Variants in HEMK2 observed in about 807,000 individuals in gnomAD.
HEMK2 encodes the protein HemK methyltransferase 2, ETF1 glutamine and histone H4 lysine, also known as methyltransferase HEMK2.
At chr21:28,754,380 T>C in the HEMK2 span, among the ~76,000 whole-genome samples, 1 of 152,186 alleles carries the variant, frequency 6.6e-6, no homozygotes, top group Non-Finnish European at 1.5e-5. Context: ...TAAATGTCAG[T>C]GTGTGTACGT....
the HEMK2 span, among the ~76,000 whole-genome samples, chr21:28,614,664 G>A: frequency 1.3e-5 from 2 of 152,162 alleles, no homozygotes; most frequent in Non-Finnish European, 2.9e-5. Context: ...TTAGATTACA[G>A]TGACATTTTG....
At chr21:28,670,415 C>T in the HEMK2 span, among the ~76,000 whole-genome samples, 1 of 152,174 alleles carries the variant, frequency 6.6e-6, no homozygotes, top group Admixed American at 6.5e-5. Flanking sequence ...TCTTTTACAT[C>T]TCCAGAGTCC....
the HEMK2 span, among the ~76,000 whole-genome samples, chr21:28,735,112 G>A: frequency 1.3e-5 from 2 of 152,224 alleles, no homozygotes; most frequent in African/African-American, 4.8e-5. Context: ...AAGGTTCCAA[G>A]AGAGAGAATA....
chr21:28,637,493 C>T, the HEMK2 span, among the ~76,000 whole-genome samples: 2 of 151,982 alleles, frequency 1.3e-5, no homozygotes, highest in Admixed American at 6.5e-5. Context: ...GTGTTGCTCT[C>T]AACAGAGCTG....
At chr21:28,877,104 G>A in the HEMK2 span, among the ~76,000 whole-genome samples, 5 of 121,222 alleles carry the variant, frequency 4.1e-5, no homozygotes, top group Admixed American at 8.9e-5. Context: ...AGGAAAGGAC[G>A]CATGGATGGA....
chr21:28,661,167 C>T, the HEMK2 span, among the ~76,000 whole-genome samples: 1 of 152,014 alleles, frequency 6.6e-6, no homozygotes, highest in Non-Finnish European at 1.5e-5. Context: ...TAATTACTGG[C>T]TTTGTATTTT....
the HEMK2 span, among the ~76,000 whole-genome samples, chr21:28,759,933 C>CATA: frequency 8.5e-5 from 13 of 152,180 alleles, no homozygotes; most frequent in Non-Finnish European, 1.9e-4. Context: ...CAGTTTACTA[C>CATA]ACACTGAACA....
At chr21:28,633,083 T>C in the HEMK2 span, among the ~76,000 whole-genome samples, 1 of 152,204 alleles carries the variant, frequency 6.6e-6, no homozygotes, top group Non-Finnish European at 1.5e-5. Context: ...CAAACTCTGA[T>C]TGTGATACAC....
chr21:28,606,166 G>A, the HEMK2 span, among the ~76,000 whole-genome samples: 10 of 151,666 alleles, frequency 6.6e-5, no homozygotes, highest in African/African-American at 2.4e-4. Flanking sequence ...AGATAGTACT[G>A]TAACATGGCG....
chr21:28,856,511 G>C, the HEMK2 span, among the ~76,000 whole-genome samples: 21 of 152,144 alleles, frequency 1.4e-4, no homozygotes, highest in Non-Finnish European at 1.5e-5. Flanking sequence ...TGGCCAATTA[G>C]AAGCAGCTGC....
At chr21:28,720,182 G>GTAACAATCCA in the HEMK2 span, among the ~76,000 whole-genome samples, 14 of 152,308 alleles carry the variant, frequency 9.2e-5, no homozygotes, top group African/African-American at 3.4e-4. Flanking sequence ...TCCAACAATA[G>GTAACAATCCA]ACAGTAAATA....
chr21:28,832,549 G>A, the HEMK2 span, among the ~76,000 whole-genome samples: 644 of 152,288 alleles, frequency 4.2e-3, 3 homozygotes, highest in African/African-American at 0.015. Flanking sequence ...CTGCAACAAA[G>A]AACTTGTATT....
chr21:28,853,033 T>A, the HEMK2 span, among the ~76,000 whole-genome samples: 3 of 152,220 alleles, frequency 2.0e-5, no homozygotes, highest in South Asian at 4.1e-4. Flanking sequence ...GTTTCCACTG[T>A]TAGATCTGGC....
chr21:28,738,986 C>T, the HEMK2 span, among the ~76,000 whole-genome samples: 1 of 152,178 alleles, frequency 6.6e-6, no homozygotes, highest in Non-Finnish European at 1.5e-5. Flanking sequence ...TTGTGAGTGA[C>T]ATCCTGAAAT....
the HEMK2 span, among the ~76,000 whole-genome samples, chr21:28,837,656 A>C: frequency 6.6e-6 from 1 of 152,164 alleles, no homozygotes; most frequent in Non-Finnish European, 1.5e-5. Context: ...AGAACAAACC[A>C]AACTCAAACC....
chr21:28,715,956 G>A, the HEMK2 span, among the ~76,000 whole-genome samples: 2 of 151,970 alleles, frequency 1.3e-5, no homozygotes, highest in African/African-American at 4.8e-5. Context: ...ATTGTACGCA[G>A]GAGGCTTTAT....
the HEMK2 span, among the ~76,000 whole-genome samples, chr21:28,696,815 T>C: frequency 6.6e-6 from 1 of 152,218 alleles, no homozygotes; most frequent in Non-Finnish European, 1.5e-5. Flanking sequence ...ACTGCATTTC[T>C]TGACCTCTGT....
chr21:28,872,538 T>C, the HEMK2 span: 26,187 of 152,238 alleles, frequency 0.17, 2,352 homozygotes, highest in South Asian at 0.23. Context: ...GCCTGTCACC[T>C]TTCTCTTTCA....
chr21:28,702,211 C>T, the HEMK2 span, among the ~76,000 whole-genome samples: 3 of 151,978 alleles, frequency 2.0e-5, no homozygotes, highest in Admixed American at 6.6e-5. Flanking sequence ...AATGTAAAAC[C>T]TAAAACTATA....
Sources: allele counts gnomAD v4.1 joint callset (sites outside exome capture counted in the v4.1 genomes callset), GRCh38; gene constraint gnomAD v4.1.1; transcripts MANE v1.5; gene names NCBI Gene and HGNC (gene_info 2026-07-23, HGNC 2026-07-21).